FCHO2: variants seen among roughly 807,000 people sequenced by gnomAD.
FCHO2 encodes the protein FCH and mu domain containing endocytic adaptor 2.
FCHO2 carries 43 observed loss-of-function variants against 114.1 expected under a neutral mutation model. The observed-to-expected ratio is 0.38, with a 90% confidence interval of 0.30 to 0.49. The LOEUF is 0.49. FCHO2 is among the 20% of genes least tolerant of loss of function. The pLI is 0.97. For synonymous variants in FCHO2, 293 were observed against 315.2 expected (o/e 0.93, Z 0.75); for missense variants, 807 against 950.4 (o/e 0.85, Z 1.98).
chr5:72,957,441 A>G (rs139557663), intron 1 of FCHO2, among the ~76,000 whole-genome samples: 110 of 152,342 alleles, frequency 7.2e-4, no homozygotes, highest in African/African-American at 2.6e-3. Context: ...GCATTTGTCT[A>G]GTCTGGACAT....
intron 2 of FCHO2, among the ~76,000 whole-genome samples, 162 bp downstream of exon 2, chr5:72,968,751 G>T (rs1422467889): frequency 6.6e-6 from 1 of 152,058 alleles, no homozygotes; most frequent in Non-Finnish European, 1.5e-5. Flanking sequence ...CATCTACACA[G>T]CTGAGGGCTG....
intron 2 of FCHO2, among the ~76,000 whole-genome samples, chr5:72,978,234 G>T (rs568583216): frequency 6.6e-6 from 1 of 152,236 alleles, no homozygotes; most frequent in African/African-American, 2.4e-5. Context: ...TTCTTCCTAT[G>T]CATGAGCATG....
At chr5:73,061,107 G>A (rs1757832489) in intron 17 of FCHO2, among the ~76,000 whole-genome samples, 1 of 151,866 alleles carries the variant, frequency 6.6e-6, no homozygotes, top group Admixed American at 6.6e-5. Context: ...CTTCCTGGGG[G>A]CAGTTTTATC....
At chr5:72,960,069 T>C (rs776772190) in intron 1 of FCHO2, among the ~76,000 whole-genome samples, 1 of 152,236 alleles carries the variant, frequency 6.6e-6, no homozygotes, top group Non-Finnish European at 1.5e-5. Flanking sequence ...GCTGAGCCAC[T>C]GTGCCCAGCC....
At chr5:72,979,318 C>A (rs1175142746) in intron 2 of FCHO2, among the ~76,000 whole-genome samples, 1 of 148,924 alleles carries the variant, frequency 6.7e-6, no homozygotes, top group African/African-American at 2.5e-5. Context: ...AGGGATTCTA[C>A]CTCTTCCTGG....
At chr5:73,019,791 T>C (rs565906895) in intron 8 of FCHO2, among the ~76,000 whole-genome samples, 2 of 152,170 alleles carry the variant, frequency 1.3e-5, no homozygotes, top group African/African-American at 4.8e-5. Context: ...GAGCAGTCAT[T>C]CTGGTGGTAA....
At chr5:73,054,858 G>C (rs1580175242) in intron 15 of FCHO2, among the ~76,000 whole-genome samples, 1 of 152,104 alleles carries the variant, frequency 6.6e-6, no homozygotes, top group African/African-American at 2.4e-5. Context: ...TAACCAGAAA[G>C]CGTTTATAAG....
At chr5:72,978,090 A>G (rs758221097) in intron 2 of FCHO2, among the ~76,000 whole-genome samples, 56 of 152,144 alleles carry the variant, frequency 3.7e-4, no homozygotes, top group Non-Finnish European at 8.8e-5. Context: ...TTGGCTATAC[A>G]GGCTGTTTTT....
At chr5:73,055,398 A>G (rs937773179) in intron 15 of FCHO2, among the ~76,000 whole-genome samples, 2 of 152,180 alleles carry the variant, frequency 1.3e-5, no homozygotes, top group Non-Finnish European at 2.9e-5. Context: ...GAAGTTACTC[A>G]TATTGATGTA....
At chr5:73,056,791 A>G (rs571494658) in intron 16 of FCHO2, among the ~76,000 whole-genome samples, 26 of 152,108 alleles carry the variant, frequency 1.7e-4, no homozygotes, top group Non-Finnish European at 2.8e-4. Flanking sequence ...ATAAAATAAT[A>G]TACTTCGTAA....
intron 13 of FCHO2, among the ~76,000 whole-genome samples, chr5:73,053,946 G>C (rs1757461497): frequency 6.6e-6 from 1 of 152,002 alleles, no homozygotes; most frequent in African/African-American, 2.4e-5. Flanking sequence ...ATAATAATCA[G>C]AACAATTTTA....
chr5:73,002,165 T>C (rs778236150), intron 5 of FCHO2, among the ~76,000 whole-genome samples: 1 of 152,036 alleles, frequency 6.6e-6, no homozygotes, highest in African/African-American at 2.4e-5. Flanking sequence ...AGTGAGAATA[T>C]CATGAGAGGA....
chr5:72,999,186 A>G (rs1241746708), intron 5 of FCHO2, among the ~76,000 whole-genome samples: 1 of 151,802 alleles, frequency 6.6e-6, no homozygotes, highest in Non-Finnish European at 1.5e-5. Flanking sequence ...GATATTAGAT[A>G]GTGGGTTCTC....
intron 2 of FCHO2, among the ~76,000 whole-genome samples, chr5:72,969,423 C>T (rs1032388735): frequency 1.3e-5 from 2 of 152,158 alleles, no homozygotes; most frequent in Admixed American, 6.5e-5. Context: ...TTTTCTTACT[C>T]CCTCCTCTCT....
At chr5:73,050,531 A>G (rs1264675654) in intron 11 of FCHO2, among the ~76,000 whole-genome samples, 6 of 151,862 alleles carry the variant, frequency 4.0e-5, no homozygotes, top group Non-Finnish European at 8.8e-5. Context: ...TTTGGCCAGG[A>G]TGATCTTGAT....
At chr5:73,042,443 AG>A (rs1756848935) in intron 11 of FCHO2, among the ~76,000 whole-genome samples, 2 of 152,188 alleles carry the variant, frequency 1.3e-5, no homozygotes, top group African/African-American at 4.8e-5. Context: ...TTCATGTTTT[AG>A]TTTACATATA....
chr5:73,051,225 C>A, intron 11 of FCHO2, 124 bp from the exon 12 acceptor site: 2 of 602,050 alleles, frequency 3.3e-6, no homozygotes. Flanking sequence ...TTCATCATTT[C>A]ATTAACCTGT....
chr5:72,977,014 C>T (rs1010069047), intron 2 of FCHO2, among the ~76,000 whole-genome samples: 14 of 152,108 alleles, frequency 9.2e-5, no homozygotes, highest in African/African-American at 3.4e-4. Context: ...TTTTCTTTAT[C>T]CAGTCTGTGA....
intron 5 of FCHO2, among the ~76,000 whole-genome samples, chr5:72,993,816 A>G (rs188492285): frequency 2.6e-5 from 4 of 152,366 alleles, no homozygotes; most frequent in African/African-American, 9.6e-5. Context: ...TGCTTGGAAG[A>G]AAACCTGAAG....
Sources: gnomAD v4.1 joint callset for allele counts (sites outside exome capture counted in the v4.1 genomes callset) on GRCh38, gnomAD v4.1.1 for gene constraint, MANE v1.5 for transcripts, NCBI Gene and HGNC (gene_info 2026-07-23, HGNC 2026-07-21) for gene names.